The following PRKCA variants were observed in gnomAD, a reference collection of about 807,000 sequenced individuals.
The protein encoded by PRKCA is protein kinase C alpha type.
Under a neutral mutation model 87.0 loss-of-function variants are expected in PRKCA, and 27 were observed. That is an observed-to-expected ratio of 0.31 (90% CI 0.23 to 0.43). The LOEUF is 0.43. Among genes scored for constraint, PRKCA ranks in the 20% least tolerant of loss-of-function variants. PRKCA has a pLI of 1.00. For synonymous variants in PRKCA, 329 were observed against 311.1 expected (o/e 1.06, Z -0.61); for missense variants, 518 against 852.3 (o/e 0.61, Z 4.88).
intron 3 of PRKCA, among the ~76,000 whole-genome samples, chr17:66,592,415 A>G (rs992700928): frequency 6.0e-5 from 9 of 150,566 alleles, no homozygotes; most frequent in African/African-American, 2.2e-4. Flanking sequence ...TTTTACACCC[A>G]CCCTCCTCAA....
chr17:66,343,093 C>A (rs1907140910), intron 2 of PRKCA, among the ~76,000 whole-genome samples: 1 of 150,510 alleles, frequency 6.6e-6, no homozygotes, highest in Non-Finnish European at 1.5e-5. Context: ...ATGTTGAGAA[C>A]CTGAATAATT....
chr17:66,515,349 A>G (rs1216267697), intron 3 of PRKCA, among the ~76,000 whole-genome samples: 2 of 151,518 alleles, frequency 1.3e-5, no homozygotes, highest in East Asian at 3.9e-4. Flanking sequence ...GTTGCTGAGG[A>G]TTGCCTTACC....
chr17:66,566,081 C>G (rs36122137), intron 3 of PRKCA, among the ~76,000 whole-genome samples: 2 of 151,918 alleles, frequency 1.3e-5, no homozygotes, highest in African/African-American at 4.8e-5. Context: ...AGGGGTAGGA[C>G]GGATAGGTGG....
At chr17:66,556,670 G>A (rs771852453) in intron 3 of PRKCA, among the ~76,000 whole-genome samples, 62 of 152,148 alleles carry the variant, frequency 4.1e-4, no homozygotes, top group Non-Finnish European at 8.1e-4. Context: ...CTGTTCTCAT[G>A]ATAGTGAGTT....
intron 2 of PRKCA, among the ~76,000 whole-genome samples, chr17:66,364,859 G>A (rs967420168): frequency 6.6e-6 from 1 of 152,140 alleles, no homozygotes; most frequent in Non-Finnish European, 1.5e-5. Context: ...CAATTTTGAT[G>A]TGATTTTTTT....
chr17:66,534,974 C>T (rs1034245657), intron 3 of PRKCA, among the ~76,000 whole-genome samples: 4 of 152,012 alleles, frequency 2.6e-5, no homozygotes, highest in Non-Finnish European at 5.9e-5. Context: ...TTACTTACAC[C>T]GCCACCACCG....
intron 3 of PRKCA, among the ~76,000 whole-genome samples, chr17:66,516,459 C>G (rs1966974356): frequency 6.6e-6 from 1 of 151,966 alleles, no homozygotes; most frequent in Non-Finnish European, 1.5e-5. Flanking sequence ...ATGGTGAGAC[C>G]CCGTCTCTAC....
chr17:66,691,451 C>A (rs1003041890), intron 8 of PRKCA, among the ~76,000 whole-genome samples: 1 of 152,090 alleles, frequency 6.6e-6, no homozygotes, highest in African/African-American at 2.4e-5. Flanking sequence ...GGGTTTGGGG[C>A]AGGTTCAAAT....
At chr17:66,304,385 G>A (rs1330003330) in intron 1 of PRKCA, among the ~76,000 whole-genome samples, 1 of 152,180 alleles carries the variant, frequency 6.6e-6, no homozygotes, top group East Asian at 1.9e-4. Context: ...GCAGTAGTTT[G>A]GTTTTTCTTT....
chr17:66,679,698 G>A (rs909644505), intron 5 of PRKCA, among the ~76,000 whole-genome samples: 8 of 152,104 alleles, frequency 5.3e-5, no homozygotes, highest in African/African-American at 1.9e-4. Flanking sequence ...TTTCCTCCTC[G>A]TTCTCCTGAG....
intron 8 of PRKCA, among the ~76,000 whole-genome samples, chr17:66,691,082 A>G (rs1322832426): frequency 6.6e-6 from 1 of 152,004 alleles, no homozygotes; most frequent in Non-Finnish European, 1.5e-5. Flanking sequence ...CAGAGGTTAC[A>G]GTGAGCCAAG....
intron 8 of PRKCA, among the ~76,000 whole-genome samples, chr17:66,712,942 C>T (rs1973369022): frequency 1.3e-5 from 2 of 152,182 alleles, no homozygotes; most frequent in African/African-American, 4.8e-5. Flanking sequence ...TCTCTGCCTT[C>T]CATCCCCAGG....
At chr17:66,584,560 T>C (rs116590912) in intron 3 of PRKCA, among the ~76,000 whole-genome samples, 106 of 152,230 alleles carry the variant, frequency 7.0e-4, no homozygotes, top group African/African-American at 2.5e-3. Flanking sequence ...AAATTTATTA[T>C]ATTACAGTTC....
In PRKCA at chr17:66,530,502, G is replaced by A. The variant is rs374064054; in HGVS notation, c.288+34219G>A. Among the ~76,000 whole-genome samples, 12 of 152,296 alleles carry A rather than the reference G, an allele frequency of 7.9e-5. 1 individual carries two copies. Among genetic ancestry groups the A allele is most frequent in the African/African-American group, 2.6e-4 (11 of 41,580 alleles). On this transcript the variant is annotated intron_variant, in intron 3 of 16. Transcript: ENST00000413366. ...ATATCAAAAGCACCACGGGAGCTTT[G>A]CAATTTGCTGCCTCTTTTCAGCCCT...
At chr17:66,389,080 T>C (rs1158053570) in intron 2 of PRKCA, among the ~76,000 whole-genome samples, 2 of 152,178 alleles carry the variant, frequency 1.3e-5, no homozygotes, top group African/African-American at 4.8e-5. Context: ...GCATCATGTA[T>C]ATGCCTTTCT....
chr17:66,484,564 A>G (rs1598711058), intron 2 of PRKCA, among the ~76,000 whole-genome samples: 2 of 152,348 alleles, frequency 1.3e-5, no homozygotes, highest in East Asian at 1.9e-4. Flanking sequence ...TACTGATTCA[A>G]TAATTTCCCA....
intron 5 of PRKCA, among the ~76,000 whole-genome samples, chr17:66,680,252 CAG>C (rs1972452897): frequency 6.6e-6 from 1 of 152,182 alleles, no homozygotes; most frequent in South Asian, 2.1e-4. Context: ...TCTGCAGTGT[CAG>C]AGAACATTTT....
At chr17:66,519,139 G>A (rs1185885501) in intron 3 of PRKCA, among the ~76,000 whole-genome samples, 2 of 152,120 alleles carry the variant, frequency 1.3e-5, no homozygotes, top group African/African-American at 4.8e-5. Context: ...CTGGTTTGGG[G>A]CCGTCCGTTG....
intron 3 of PRKCA, among the ~76,000 whole-genome samples, chr17:66,562,592 T>TTTG (rs1555619923): frequency 5.3e-5 from 8 of 150,836 alleles, no homozygotes; most frequent in East Asian, 4.0e-4. Flanking sequence ...TTTGTTTTTT[T>TTTG]TTGTTGTTGT....
Sources: allele counts gnomAD v4.1 joint callset (sites outside exome capture counted in the v4.1 genomes callset), GRCh38; gene constraint gnomAD v4.1.1; transcripts MANE v1.5; gene names NCBI Gene and HGNC (gene_info 2026-07-23, HGNC 2026-07-21).